The following HECTD4 variants were observed in gnomAD, a reference collection of about 807,000 sequenced individuals.
The protein encoded by HECTD4 is HECT domain E3 ubiquitin protein ligase 4.
Under a neutral mutation model 471.5 loss-of-function variants are expected in HECTD4, and 114 were observed. That is an observed-to-expected ratio of 0.24 (90% confidence interval 0.21 to 0.28). The LOEUF (loss-of-function observed/expected upper bound fraction) is 0.28, where lower values mean the gene tolerates loss of function less well. Ranked by LOEUF, HECTD4 falls within the 10% of genes least tolerant of loss-of-function variation. The probability of loss-of-function intolerance (pLI) is 1.00; values close to 1 mark genes in which losing one functional copy is unlikely to be tolerated. For synonymous variants in HECTD4, 2,012 were observed against 2,256.0 expected (o/e 0.89, Z 3.07); for missense variants, 3,866 against 5,651.5 (o/e 0.68, Z 10.13).
chr12:112,203,775 G>T lies in HECTD4; in HGVS notation c.8270-3C>A. The T allele has an allele frequency of 6.3e-7, 1 of 1,577,486 alleles. No individual in the cohort carries two copies. The highest frequency in any genetic ancestry group is 1.2e-5 in the South Asian group (1 of 86,258). On this transcript the variant is annotated splice_polypyrimidine_tract_variant and splice_region_variant and intron_variant, in intron 53 of 75. Coordinates refer to ENST00000682272, the MANE Select transcript of HECTD4 (RefSeq NM_001388303.1). ...AGAGCGGGTTACTACTGTGAGACCT[G>T]AGGAGTGTAGAGGGAGAAGTTTTTC...
chr12:112,263,477 CTATAAAAAAA>C (rs1436061168), intron 17 of HECTD4, among the ~76,000 whole-genome samples: 16 of 152,080 alleles, frequency 1.1e-4, no homozygotes, highest in South Asian at 2.1e-4. Flanking sequence ...ACAACCATGG[CTATAAAAAAA>C]TCTTTGGACT....
At chr12:112,378,102 T>C (rs1377064412) in intron 1 of HECTD4, among the ~76,000 whole-genome samples, 1 of 152,148 alleles carries the variant, frequency 6.6e-6, no homozygotes, top group Non-Finnish European at 1.5e-5. Context: ...AGCTATGCTA[T>C]AGTGACTAAG....
rs367606627 is a variant in HECTD4, at chr12:112,163,281, C to T, written c.12898-17G>A. 25 of 1,598,564 alleles carry T rather than the reference C, an allele frequency of 1.6e-5. No individual in the cohort carries two copies. The highest frequency in any genetic ancestry group is 2.1e-5 in the Non-Finnish European group (25 of 1,169,802). On this transcript the variant is annotated splice_polypyrimidine_tract_variant and intron_variant, in intron 74 of 75. Coordinates refer to ENST00000682272, the MANE Select transcript of HECTD4 (RefSeq NM_001388303.1). This position sits in a 1 kb window ranked among gnomAD's most constrained non-coding sequence, Gnocchi z 8.2. ...GGTGTGGGCCTGGGGAGGAGAGGTC[C>T]AGGTGTCAGGAGCCCTGGAGCCCCA...
chr12:112,283,014 G>T, intron 8 of HECTD4, 96 bp downstream of exon 8: 1 of 915,672 alleles, frequency 1.1e-6, no homozygotes, highest in South Asian at 2.8e-5. Flanking sequence ...CTATGCAAAG[G>T]AAAGGGCTTT....
At chr12:112,238,543 G>A (rs1407055419) in intron 34 of HECTD4, among the ~76,000 whole-genome samples, 1 of 152,130 alleles carries the variant, frequency 6.6e-6, no homozygotes, top group Admixed American at 6.5e-5. Flanking sequence ...AACATAGTAA[G>A]ATCCTGTCTC....
intron 72 of HECTD4, 66 bp downstream of exon 72, chr12:112,167,251 G>T: frequency 1.4e-6 from 2 of 1,414,446 alleles, no homozygotes; most frequent in Non-Finnish European, 9.8e-7. Context: ...TCTGCATGGA[G>T]GCCTAAGCAA....
intron 64 of HECTD4, among the ~76,000 whole-genome samples, chr12:112,178,303 C>G (rs1448906560): frequency 6.6e-6 from 1 of 152,124 alleles, no homozygotes; most frequent in African/African-American, 2.4e-5. Flanking sequence ...GTCTTGAACT[C>G]CCGGGCTTAA....
At chr12:112,311,619 CAAAAAAA>C (rs541436680) in intron 4 of HECTD4, among the ~76,000 whole-genome samples, 2 of 46,730 alleles carry the variant, frequency 4.3e-5, no homozygotes, top group Non-Finnish European at 9.0e-5. Context: ...GACCCCATCT[CAAAAAAA>C]AAAAAAAAAG....
rs2036780821 is a variant in HECTD4 at position 112,376,358 on chromosome 12, T to C, written c.177+5594A>G. Among the ~76,000 whole-genome samples the C allele has an allele frequency of 3.3e-5, 5 of 152,196 alleles. No homozygotes were observed. In the South Asian group the frequency reaches 1.0e-3, roughly 32 times the overall value. On this transcript the variant is annotated intron_variant, in intron 1 of 75. Coordinates refer to ENST00000682272, the MANE Select transcript of HECTD4 (RefSeq NM_001388303.1). ...GCCTCCTGGGTTCACGCCATTCTCC[T>C]GCCTCAGCCTCCCGAGTAGCTGGGA...
At chr12:112,300,775 A>T (rs572956067) in intron 7 of HECTD4, among the ~76,000 whole-genome samples, 76 of 151,782 alleles carry the variant, frequency 5.0e-4, no homozygotes, top group Non-Finnish European at 9.0e-4. Context: ...TCTAAAAAAA[A>T]TTTTTGTAGA....
At position 112,226,764 on chromosome 12, in the gene HECTD4, T is replaced by A; in HGVS notation, c.6855-6A>T. 6.3e-7 allele frequency: 1 copy of A among 1,584,424 alleles called. No homozygotes were observed. ...GGGCCATGACCAGGCATGCTCTTAA[T>A]GTTAAAAGATTTACAATATTTCAAA... On this transcript the variant is annotated splice_polypyrimidine_tract_variant and splice_region_variant and intron_variant, in intron 43 of 75. Coordinates refer to ENST00000682272, the MANE Select transcript of HECTD4 (RefSeq NM_001388303.1).
chr12:112,162,828 G>A lies in HECTD4; in HGVS notation c.13120+214C>T. The A allele has an allele frequency of 5.4e-6, 3 of 555,510 alleles. No homozygotes were observed. The highest frequency in any genetic ancestry group is 2.7e-5 in the South Asian group (1 of 37,106). The allele number at this position is 555,510 out of a possible 1,614,324, so 34.4% of individuals were successfully genotyped here. A position where few individuals can be genotyped will look rare whatever the true frequency, so the allele number is the denominator to read the frequency against. On this transcript the variant is annotated intron_variant, in intron 75 of 75. Transcript: ENST00000682272. The surrounding 1 kb of genome is among the most constrained non-coding windows in gnomAD (Gnocchi z 5.2). ...AAAGTTAGAAGATTTGAAGCATTCT[G>A]GATTTTCAGCTTCTTTTAAGATATG...
chr12:112,276,736 G>A (rs761875453), intron 9 of HECTD4, among the ~76,000 whole-genome samples: 6 of 152,152 alleles, frequency 3.9e-5, no homozygotes, highest in African/African-American at 9.7e-5. Context: ...GAGCCACTGC[G>A]CCTGGCCAAA....
chr12:112,167,682 G>A, intron 71 of HECTD4, 132 bp downstream of exon 71: 1 of 1,037,026 alleles, frequency 9.6e-7, no homozygotes, highest in Non-Finnish European at 1.5e-6. Flanking sequence ...AGTGAGGCAA[G>A]GACCTGTCCC....
At chr12:112,326,585 T>C (rs1304520063) in intron 1 of HECTD4, among the ~76,000 whole-genome samples, 2 of 152,242 alleles carry the variant, frequency 1.3e-5, no homozygotes, top group Non-Finnish European at 2.9e-5. Flanking sequence ...GGGAAAATAC[T>C]GGACAACAGA....
At chr12:112,176,975 A>G (rs976814648) in intron 64 of HECTD4, among the ~76,000 whole-genome samples, 1 of 152,242 alleles carries the variant, frequency 6.6e-6, no homozygotes, top group African/African-American at 2.4e-5. Flanking sequence ...ACACTGTTCA[A>G]TAAGGTAGCT....
At chr12:112,191,884 C>T (rs762566306) in intron 59 of HECTD4, among the ~76,000 whole-genome samples, 2 of 152,184 alleles carry the variant, frequency 1.3e-5, no homozygotes, top group Non-Finnish European at 2.9e-5. Context: ...TAAAAGTTCA[C>T]ATGTTTTCTG....
chr12:112,175,430 C>T (rs1182964652), intron 66 of HECTD4, among the ~76,000 whole-genome samples: 1 of 152,142 alleles, frequency 6.6e-6, no homozygotes, highest in African/African-American at 2.4e-5. Flanking sequence ...TTGATCTGGG[C>T]CTTCCAGCCT....
intron 6 of HECTD4, among the ~76,000 whole-genome samples, chr12:112,307,846 A>G (rs1250417421): frequency 6.6e-6 from 1 of 152,250 alleles, no homozygotes; most frequent in Admixed American, 6.5e-5. Flanking sequence ...CAGTGTAAAG[A>G]GTTCAAAGTA....
Sources: allele counts gnomAD v4.1 joint callset (sites outside exome capture counted in the v4.1 genomes callset), GRCh38; gene constraint gnomAD v4.1.1; non-coding constraint Gnocchi (gnomAD v3.1); transcripts MANE v1.5; gene names NCBI Gene and HGNC (gene_info 2026-07-23, HGNC 2026-07-21).